Variants in BCL2L11 observed in about 807,000 individuals in gnomAD.
The protein encoded by BCL2L11 is bcl-2-like protein 11.
In BCL2L11, 15 loss-of-function variants were observed where a neutral mutation model predicts 20.6. The ratio of observed to expected loss-of-function variants is 0.73; its 90% CI spans 0.49 to 1.12. The LOEUF (loss-of-function observed/expected upper bound fraction) is 1.12. Ranked by LOEUF, BCL2L11 falls within the 50% of genes most tolerant of loss-of-function variation. BCL2L11 has a pLI of 0.00. For synonymous variants in BCL2L11, 108 were observed against 92.8 expected (o/e 1.16, Z -0.94); for missense variants, 292 against 260.9 (o/e 1.12, Z -0.82).
chr2:111,149,912 T>C (rs1399069054), intron 2 of BCL2L11, 132 bp from the exon 3 acceptor site: 13 of 661,740 alleles, frequency 2.0e-5, no homozygotes, highest in Middle Eastern at 4.2e-4. Flanking sequence ...GCTGTAGTTG[T>C]TGAAGTCAGG....
intron 2 of BCL2L11, chr2:111,144,352 G>T: frequency 1.1e-6 from 1 of 923,298 alleles, no homozygotes. Flanking sequence ...AATAGACCTG[G>T]AGGGAGGTGT....
chr2:111,130,372 G>A, intron 2 of BCL2L11: 1 of 217,322 alleles, frequency 4.6e-6, no homozygotes, highest in Non-Finnish European at 9.6e-6. Flanking sequence ...CCAAAGTGTT[G>A]GGATTACAGG....
intron 2 of BCL2L11, among the ~76,000 whole-genome samples, chr2:111,127,407 G>A (rs2072880253): frequency 6.7e-6 from 1 of 149,078 alleles, no homozygotes; most frequent in Admixed American, 6.6e-5. Flanking sequence ...ACAGATGGGA[G>A]TTAATGGCTT....
intron 2 of BCL2L11, among the ~76,000 whole-genome samples, chr2:111,133,139 A>C (rs1055601546): frequency 3.3e-5 from 5 of 152,210 alleles, no homozygotes; most frequent in Admixed American, 2.0e-4. Flanking sequence ...ATTTTGGAGA[A>C]CTCAGAAAGG....
At position 111,139,641 on chromosome 2, in the gene BCL2L11, T is replaced by G. The variant is rs184686154; in HGVS notation, c.395-10403T>G. On this transcript the variant is annotated intron_variant, in intron 2 of 3. Transcript: ENST00000393256. The stretch of plus-strand genomic sequence containing the variant: ...GTGAGTGAGTTATGGATCCTTCTTC[T>G]TGGTAACCTTTTTTCACACACTATG... Among the ~76,000 whole-genome samples, 82 of 152,298 alleles carry G rather than the reference T, an allele frequency of 5.4e-4. 1 individual carries two copies. The highest frequency in any genetic ancestry group is 3.5e-4 in the Non-Finnish European group (24 of 68,024).
intron 2 of BCL2L11, chr2:111,142,268 A>C (rs1162408119): frequency 1.3e-6 from 2 of 1,489,408 alleles, no homozygotes; most frequent in Admixed American, 3.9e-5. Flanking sequence ...TCTGTCTGGG[A>C]AGACATGGCA....
At chr2:111,150,574 A>G (rs183998496) in intron 3 of BCL2L11, among the ~76,000 whole-genome samples, 211 of 152,336 alleles carry the variant, frequency 1.4e-3, no homozygotes, top group African/African-American at 4.9e-3. Context: ...GCACTCATGT[A>G]AAAGACTCTC....
At chr2:111,155,261 T>C (rs894037803) in intron 3 of BCL2L11, among the ~76,000 whole-genome samples, 7 of 152,248 alleles carry the variant, frequency 4.6e-5, no homozygotes, top group African/African-American at 1.7e-4. Flanking sequence ...TTCTGCAGCC[T>C]GCACCTTCTC....
intron 3 of BCL2L11, 37 bp from the exon 4 acceptor site, chr2:111,164,096 A>AATG: frequency 2.9e-6 from 2 of 679,934 alleles, no homozygotes; most frequent in Non-Finnish European, 5.3e-6. Flanking sequence ...CCCCCAAATT[A>AATG]GGGAGAAACT....
intron 2 of BCL2L11, among the ~76,000 whole-genome samples, chr2:111,129,343 G>A (rs546310333): frequency 2.0e-5 from 3 of 152,076 alleles, no homozygotes; most frequent in Non-Finnish European, 4.4e-5. Flanking sequence ...GGTCCTAAGT[G>A]GGGAGAGAAA....
At chr2:111,150,795 C>G (rs2077157354) in intron 3 of BCL2L11, among the ~76,000 whole-genome samples, 1 of 152,202 alleles carries the variant, frequency 6.6e-6, no homozygotes, top group Admixed American at 6.5e-5. Flanking sequence ...ATGTCATCTT[C>G]TGTAGTTAGT....
At chr2:111,140,285 T>C (rs547008394) in intron 2 of BCL2L11, among the ~76,000 whole-genome samples, 10 of 152,266 alleles carry the variant, frequency 6.6e-5, no homozygotes, top group Non-Finnish European at 1.0e-4. Flanking sequence ...TTCAAGCTGA[T>C]AAGAGTGTGT....
At chr2:111,148,162 C>T (rs2076807458) in intron 2 of BCL2L11, among the ~76,000 whole-genome samples, 1 of 152,174 alleles carries the variant, frequency 6.6e-6, no homozygotes, top group African/African-American at 2.4e-5. Flanking sequence ...CTCTCTCAGT[C>T]ATGTGTAGTG....
intron 3 of BCL2L11, among the ~76,000 whole-genome samples, chr2:111,154,135 C>T (rs1053850356): frequency 1.3e-5 from 2 of 152,198 alleles, no homozygotes; most frequent in African/African-American, 4.8e-5. Context: ...TGTTTTCCCT[C>T]TTTGCACACA....
intron 2 of BCL2L11, among the ~76,000 whole-genome samples, chr2:111,137,992 T>TTTTCTTTC (rs948503022): frequency 2.0e-5 from 3 of 148,048 alleles, no homozygotes; most frequent in Admixed American, 6.7e-5. Context: ...TTTCTCCCTT[T>TTTTCTTTC]TTTCTTTCTT....
intron 3 of BCL2L11, among the ~76,000 whole-genome samples, chr2:111,159,798 C>T (rs922896513): frequency 6.6e-6 from 1 of 152,198 alleles, no homozygotes; most frequent in Non-Finnish European, 1.5e-5. Context: ...CTAGGGCATT[C>T]CTGTGGTACA....
chr2:111,128,112 C>A (rs186667947), intron 2 of BCL2L11, among the ~76,000 whole-genome samples: 156 of 152,192 alleles, frequency 1.0e-3, no homozygotes, highest in African/African-American at 3.2e-3. Context: ...CCCCCTCCCC[C>A]CAGCTTCTGA....
chr2:111,130,818 T>C (rs981355316), intron 2 of BCL2L11, among the ~76,000 whole-genome samples: 5 of 152,180 alleles, frequency 3.3e-5, no homozygotes, highest in Non-Finnish European at 5.9e-5. Context: ...TTGTCGTAAA[T>C]GGATGGATGT....
intron 2 of BCL2L11, 130 bp downstream of exon 2, chr2:111,124,269 G>C (rs2150149454): frequency 8.7e-7 from 1 of 1,154,394 alleles, no homozygotes; most frequent in Non-Finnish European, 1.2e-6. Context: ...TGGGAATGGA[G>C]GATGTGTCAA....
Sources: allele counts gnomAD v4.1 joint callset (sites outside exome capture counted in the v4.1 genomes callset), GRCh38; gene constraint gnomAD v4.1.1; transcripts MANE v1.5; gene names NCBI Gene and HGNC (gene_info 2026-07-23, HGNC 2026-07-21).